CCDC14: variants seen among roughly 807,000 people sequenced by gnomAD.
CCDC14 encodes coiled-coil domain-containing protein 14.
Under a neutral mutation model 81.4 loss-of-function variants are expected in CCDC14, and 71 were observed. That is an observed-to-expected ratio of 0.87 (90% CI 0.72 to 1.06). The LOEUF (loss-of-function observed/expected upper bound fraction) is 1.06, where lower values mean the gene tolerates loss of function less well. Among genes scored for constraint, CCDC14 ranks in the 50% least tolerant of loss-of-function variants. CCDC14 has a pLI of 0.00. For missense variants in CCDC14, 1,046 were observed against 1,047.3 expected (o/e 1.00, Z 0.02); for synonymous variants, 332 against 364.8 (o/e 0.91, Z 1.03).
chr3:123,931,499 G>A lies in CCDC14; in HGVS notation c.1454C>T (p.Ser485Leu). 2 of 1,565,054 alleles carry A rather than the reference G, an allele frequency of 1.3e-6. No homozygotes were observed. The highest frequency in any genetic ancestry group is 1.2e-5 in the South Asian group (1 of 84,584). ...TGACTCCTCCAATTGATTTTGCAGT[G>A]ACATATTCAATGACTGAAGAGAAAA... ...ELFSLQSLNM[S>L]LQNQLEESLK... Residue 485 changes from serine to leucine, a missense_variant, in exon 11 of 13, where the codon TCA becomes TTA. Coordinates refer to ENST00000409697, the MANE Select transcript of CCDC14 (RefSeq NM_001366335.1).
intron 5 of CCDC14, chr3:123,955,362 A>G (rs2148957124): frequency 6.6e-6 from 1 of 152,268 alleles, no homozygotes. Flanking sequence ...CTCACCACCA[A>G]TCAGCAGCAG....
intron 5 of CCDC14, chr3:123,955,607 A>C (rs2037279184): frequency 6.1e-6 from 2 of 327,440 alleles, no homozygotes; most frequent in African/African-American, 2.1e-5. Flanking sequence ...CTGAGTTTGA[A>C]CTTTTTCTCC....
chr3:123,925,089 A>C (rs2460700), intron 12 of CCDC14, among the ~76,000 whole-genome samples: 5 of 151,158 alleles, frequency 3.3e-5, no homozygotes, highest in Admixed American at 6.6e-5. Flanking sequence ...TATTTCTTTA[A>C]GGAAAACGTG....
intron 5 of CCDC14, among the ~76,000 whole-genome samples, chr3:123,951,609 T>C (rs2037023928): frequency 6.6e-6 from 1 of 152,200 alleles, no homozygotes; most frequent in African/African-American, 2.4e-5. Context: ...TCCTGGGTCT[T>C]TCCTTCTGCT....
intron 5 of CCDC14, chr3:123,952,546 A>G (rs766656729): frequency 7.8e-6 from 4 of 510,260 alleles, no homozygotes; most frequent in Middle Eastern, 3.3e-4. Flanking sequence ...ACAATTCTGG[A>G]AGGGCTTCTC....
At chr3:123,954,179 G>A (rs1232251937) in intron 5 of CCDC14, 6 of 152,072 alleles carry the variant, frequency 3.9e-5, no homozygotes, top group East Asian at 1.9e-4. Context: ...AGGTGCTACC[G>A]CTCCTTTCTT....
chr3:123,907,443 C>T (rs918275559), intron 5 of CCDC14, among the ~76,000 whole-genome samples: 1 of 151,840 alleles, frequency 6.6e-6, no homozygotes, highest in South Asian at 2.1e-4. Context: ...CATGGTAGCT[C>T]ACACCTGAGA....
At chr3:123,942,978 G>T (rs2036431169) in intron 9 of CCDC14, among the ~76,000 whole-genome samples, 1 of 151,980 alleles carries the variant, frequency 6.6e-6, no homozygotes. Context: ...GGCTACACGA[G>T]TGCTTACTAA....
At chr3:123,886,648 G>A in the CCDC14 span, among the ~76,000 whole-genome samples, 13 of 152,024 alleles carry the variant, frequency 8.6e-5, no homozygotes, top group African/African-American at 2.7e-4. Flanking sequence ...TGCCCACCTC[G>A]GCCTCCCAAA....
intron 12 of CCDC14, among the ~76,000 whole-genome samples, chr3:123,919,663 A>G (rs1210712283): frequency 3.3e-5 from 5 of 152,218 alleles, no homozygotes; most frequent in Non-Finnish European, 5.9e-5. Context: ...CACAGGTAGC[A>G]GCCCAGTTAG....
At chr3:123,926,571 AT>A (rs2035373899) in intron 12 of CCDC14, among the ~76,000 whole-genome samples, 1 of 146,990 alleles carries the variant, frequency 6.8e-6, no homozygotes, top group African/African-American at 2.5e-5. Flanking sequence ...TATTATTTAA[AT>A]TAATATTTAA....
chr3:123,889,161 A>G, the CCDC14 span, among the ~76,000 whole-genome samples: 1 of 152,160 alleles, frequency 6.6e-6, no homozygotes, highest in Non-Finnish European at 1.5e-5. Flanking sequence ...TGAAATCCCA[A>G]CAATTTGGGA....
At position 123,946,846 on chromosome 3, in the gene CCDC14, T is replaced by C. The variant is rs1454614192; in HGVS notation, c.1158A>G (p.Ile386Met). Residue 386 changes from isoleucine (I) to methionine (M), a missense_variant, in exon 8 of 13, where the codon ATA becomes ATG. Transcript: ENST00000409697. The stretch of plus-strand genomic sequence containing the variant: ...CCTTGAGCTCTCCCAACAAATATTT[T>C]ATAATTCTAACTTTTTCAGCTGTCT... Reference protein sequence around the residue: ...VNKTAEKVRIIKYLLGELKAL... With the variant: ...VNKTAEKVRIMKYLLGELKAL... 2 of 1,613,924 alleles carry C rather than the reference T, an allele frequency of 1.2e-6. No homozygotes were observed. The highest frequency in any genetic ancestry group is 1.7e-5 in the Admixed American group (1 of 60,006).
chr3:123,890,574 A>G, the CCDC14 span, among the ~76,000 whole-genome samples: 4 of 152,194 alleles, frequency 2.6e-5, no homozygotes, highest in East Asian at 3.8e-4. Context: ...TCAAATCTTA[A>G]AGCTCCAAAA....
At chr3:123,896,865 C>G (rs993110994), downstream of CCDC14, among the ~76,000 whole-genome samples, 2 of 152,052 alleles carry the variant, frequency 1.3e-5, no homozygotes, top group Admixed American at 6.5e-5. Flanking sequence ...TTAACTTTTC[C>G]TATTATATAA....
chr3:123,897,108 T>G (rs2034076892), downstream of CCDC14, among the ~76,000 whole-genome samples: 1 of 152,146 alleles, frequency 6.6e-6, no homozygotes, highest in African/African-American at 2.4e-5. Flanking sequence ...ACAAAGCCAT[T>G]AATGAGAATG....
At chr3:123,931,600 TAA>T (rs10573718) in intron 10 of CCDC14, 74 bp from the exon 11 acceptor site, 68,742 of 508,192 alleles carry the variant, frequency 0.14, 1,767 homozygotes, top group East Asian at 0.39. Context: ...ACCTGTTTCT[TAA>T]AAAAAAAAAA....
At chr3:123,939,730 AGAGT>A (rs1469063591) in intron 9 of CCDC14, among the ~76,000 whole-genome samples, 1 of 151,904 alleles carries the variant, frequency 6.6e-6, no homozygotes, top group Non-Finnish European at 1.5e-5. Flanking sequence ...AATATTTGTT[AGAGT>A]GAGTGTTAGG....
chr3:123,892,401 C>T (rs564806880), downstream of CCDC14, among the ~76,000 whole-genome samples: 1 of 152,154 alleles, frequency 6.6e-6, no homozygotes, highest in Admixed American at 6.5e-5. Context: ...AGGCCCTAGG[C>T]CTGGCCCATG....
Sources: gnomAD v4.1 joint callset for allele counts (sites outside exome capture counted in the v4.1 genomes callset) on GRCh38, gnomAD v4.1.1 for gene constraint, MANE v1.5 for transcripts, NCBI Gene and HGNC (gene_info 2026-07-23, HGNC 2026-07-21) for gene names.